Variants in P3H4 observed in about 807,000 individuals in gnomAD.
P3H4 encodes the protein endoplasmic reticulum protein SC65.
In P3H4, 47 loss-of-function variants were observed where a neutral mutation model predicts 52.9. The ratio of observed to expected loss-of-function variants is 0.89; its 90% CI spans 0.70 to 1.13. The LOEUF is 1.13. P3H4 is among the 50% of genes most tolerant of loss of function. The pLI is 0.00. For missense variants in P3H4, 585 were observed against 611.0 expected (o/e 0.96, Z 0.45); for synonymous variants, 256 against 267.9 (o/e 0.96, Z 0.44).
chr17:41,803,195 C>A (rs555197163), intron 7 of P3H4, 92 bp downstream of exon 7: 46 of 1,532,464 alleles, frequency 3.0e-5, no homozygotes, highest in Middle Eastern at 2.0e-4. Flanking sequence ...CCCACACACA[C>A]CCTGGGCTCC....
chr17:41,811,046 G>A lies in P3H4; in HGVS notation c.616-12C>T, dbSNP rs782702893. On this transcript the variant is annotated splice_polypyrimidine_tract_variant and intron_variant, in intron 2 of 7. Coordinates refer to ENST00000393928, the MANE Select transcript of P3H4 (RefSeq NM_006455.3). This position sits in a 1 kb window ranked among gnomAD's most constrained non-coding sequence, Gnocchi z 4.8. ...CGGAGGAACACGGCCTGGAAGGGGCGTGGCAGGGGGAGTCAGGGCGCCCCC... is the reference window on the plus strand; with the variant it reads ...CGGAGGAACACGGCCTGGAAGGGGCATGGCAGGGGGAGTCAGGGCGCCCCC... 2.5e-6 allele frequency: 4 copies of A among 1,609,250 alleles called. No individual in the cohort carries two copies. Among genetic ancestry groups the A allele is most frequent in the Non-Finnish European group, 3.4e-6 (4 of 1,176,322 alleles).
chr17:41,811,592 G>A lies in P3H4; in HGVS notation c.324C>T (p.Arg108=). ...GCAGGCAGGCGGCTCGCTCCAGGACGCGGCCGAAGAGCCGCAGCTCGCAGG... is the reference window on the plus strand; with the variant it reads ...GCAGGCAGGCGGCTCGCTCCAGGACACGGCCGAAGAGCCGCAGCTCGCAGG... The part of the protein sequence containing the change: ...EWACELRLFG[R]VLERAACLRR... Residue 108 remains arginine (R), a synonymous_variant, in exon 1 of 8, where the codon CGC becomes CGT. Coordinates refer to ENST00000393928, the MANE Select transcript of P3H4 (RefSeq NM_006455.3). This position sits in a 1 kb window ranked among gnomAD's most constrained non-coding sequence, Gnocchi z 4.8. The A allele has an allele frequency of 6.3e-7, 1 of 1,581,476 alleles. No individual in the cohort carries two copies. Among genetic ancestry groups the A allele is most frequent in the Non-Finnish European group, 8.6e-7 (1 of 1,167,364 alleles).
In P3H4 at chr17:41,811,391, C is replaced by A. The variant is rs2047734965; in HGVS notation, c.462+63G>T. 6.2e-7 allele frequency: 1 copy of A among 1,606,336 alleles called. No individual in the cohort carries two copies. The highest frequency in any genetic ancestry group is 2.2e-5 in the East Asian group (1 of 44,778). On this transcript the variant is annotated intron_variant, in intron 1 of 7. Coordinates refer to ENST00000393928, the MANE Select transcript of P3H4 (RefSeq NM_006455.3). The surrounding 1 kb of genome is among the most constrained non-coding windows in gnomAD (Gnocchi z 4.8). Reference sequence around the variant, plus strand: ...TGGGTGAAGATAACGCTCCTTCGACCGATCTGTGGGGAGCCACGACGCCCA... The same window carrying A: ...TGGGTGAAGATAACGCTCCTTCGACAGATCTGTGGGGAGCCACGACGCCCA...
At position 41,811,091 on chromosome 17, in the gene P3H4, TAGCCCTCCTCTACA is replaced by T. The variant is rs782745680; in HGVS notation, c.615+27_615+40del. The T allele has an allele frequency of 6.2e-7, 1 of 1,612,422 alleles. No individual in the cohort carries two copies. The highest frequency in any genetic ancestry group is 1.3e-5 in the African/African-American group (1 of 75,034). The stretch of plus-strand genomic sequence containing the variant: ...GCCCCCAACATCTCCCCTCCTCTAC[TAGCCCTCCTCTACA>T]AGCCTCCTCCTGACCCTCCACCCCA... On this transcript the variant is annotated intron_variant, in intron 2 of 7. Transcript: ENST00000393928. This position sits in a 1 kb window ranked among gnomAD's most constrained non-coding sequence, Gnocchi z 4.8.
At position 41,811,164 on chromosome 17, in the gene P3H4, A is replaced by T; in HGVS notation, c.583T>A (p.Ser195Thr). 6.2e-7 allele frequency: 1 copy of T among 1,613,910 alleles called. No homozygotes were observed. ...GGCTGGGCCTCTAGGTCCGTGAGGGACTCGTCGGCGACGTCCAGCATCCCC... is the reference window on the plus strand; with the variant it reads ...GGCTGGGCCTCTAGGTCCGTGAGGGTCTCGTCGGCGACGTCCAGCATCCCC... ...YQGMLDVADESLTDLEAQPYE... is the reference protein window; with the variant it reads ...YQGMLDVADETLTDLEAQPYE... Residue 195 changes from serine (S) to threonine (T), a missense_variant, in exon 2 of 8, where the codon TCC becomes ACC. By Grantham distance (58) the Ser-to-Thr change is moderately conservative. Coordinates refer to ENST00000393928, the MANE Select transcript of P3H4 (RefSeq NM_006455.3). This position sits in a 1 kb window ranked among gnomAD's most constrained non-coding sequence, Gnocchi z 4.8.
rs181233976 is a variant in P3H4 at position 41,809,891 on chromosome 17, C to G, written c.788-57G>C. 4.4e-6 allele frequency: 7 copies of G among 1,579,494 alleles called. 1 individual carries two copies. The highest frequency in any genetic ancestry group is 1.7e-4 in the Middle Eastern group (1 of 5,878). On this transcript the variant is annotated intron_variant, in intron 3 of 7. Transcript: ENST00000393928. ...CATTGCAATGAACATCTCCGTCCCC[C>G]CAGTGGAGAAGACTCTAAATCCAAT...
At chr17:41,803,069 G>T in intron 7 of P3H4, 90 bp from the exon 8 acceptor site, 1 of 1,501,394 alleles carries the variant, frequency 6.7e-7, no homozygotes, top group Non-Finnish European at 9.1e-7. Context: ...GTGGGGTGAG[G>T]CTCCCCCGGA....
intron 3 of P3H4, among the ~76,000 whole-genome samples, chr17:41,810,363 G>A (rs1406039996): frequency 1.3e-5 from 2 of 151,684 alleles, no homozygotes; most frequent in South Asian, 2.1e-4. Flanking sequence ...CAGTAGAGAC[G>A]GGGTTTCACC....
At position 41,806,815 on chromosome 17, in the gene P3H4, T is replaced by C. The variant is rs1555614256; in HGVS notation, c.1127A>G (p.Tyr376Cys). 2 of 1,613,556 alleles carry C rather than the reference T, an allele frequency of 1.2e-6. No homozygotes were observed. Among genetic ancestry groups the C allele is most frequent in the African/African-American group, 2.7e-5 (2 of 74,888 alleles). Residue 376 changes from tyrosine to cysteine, a missense_variant, in exon 6 of 8, where the codon TAC (tyrosine) becomes TGC (cysteine). By Grantham distance (194) the Tyr-to-Cys change is radical. Transcript: ENST00000393928. Reference protein sequence around the residue: ...LRELLEFTHMYLQSDDEMELE... With the variant: ...LRELLEFTHMCLQSDDEMELE... ...ACTCACCTCATCATCTGACTGCAGG[T>C]ACATGTGGGTGAACTCCAGCAGCTC...
intron 4 of P3H4, among the ~76,000 whole-genome samples, chr17:41,808,926 G>C (rs2047701416): frequency 6.6e-6 from 1 of 152,136 alleles, no homozygotes; most frequent in Non-Finnish European, 1.5e-5. Flanking sequence ...AGGAACACTG[G>C]AGGCTGTCCA....
In P3H4 at chr17:41,811,784, C is replaced by G; in HGVS notation, c.132G>C (p.Leu44=). 6.5e-7 allele frequency: 1 copy of G among 1,536,500 alleles called. No homozygotes were observed. Residue 44 remains leucine (L), a synonymous_variant, in exon 1 of 8, where the codon CTG becomes CTC. Transcript: ENST00000393928. This position sits in a 1 kb window ranked among gnomAD's most constrained non-coding sequence, Gnocchi z 4.8. Reference sequence around the variant, plus strand: ...GCCAGCTCTCTCCCTCGTACTGCTCCAGAGCGTGCCCGTACGCCGCGGCCA... The same window carrying G: ...GCCAGCTCTCTCCCTCGTACTGCTCGAGAGCGTGCCCGTACGCCGCGGCCA... ...MPLAAAYGHA[L]EQYEGESWRE...
rs201575663 is a variant in P3H4 at position 41,807,895 on chromosome 17, G to A, written c.1026C>T (p.Arg342=). ...NLVYYRFHRA[R]WGLEEEDFQP... ...GGAAGTCCTCCTCTTCCAGGCCCCA[G>A]CGAGCCCGGTGGAACCGGTAATACA... The change falls in exon 5 of 8, where the codon CGC becomes CGT. Residue 342 remains arginine (R), a synonymous_variant. Coordinates refer to ENST00000393928, the MANE Select transcript of P3H4 (RefSeq NM_006455.3). 1 of 1,614,096 alleles carries A rather than the reference G, an allele frequency of 6.2e-7. No individual in the cohort carries two copies. The highest frequency in any genetic ancestry group is 8.5e-7 in the Non-Finnish European group (1 of 1,179,960).
chr17:41,803,076 C>G, intron 7 of P3H4, 97 bp from the exon 8 acceptor site: 1 of 1,484,050 alleles, frequency 6.7e-7, no homozygotes, highest in Non-Finnish European at 9.2e-7. Flanking sequence ...GAGGCTCCCC[C>G]GGACAGGTCT....
At chr17:41,807,066 T>C (rs782642476) in intron 5 of P3H4, 187 bp from the exon 6 acceptor site, 17 of 580,232 alleles carry the variant, frequency 2.9e-5, no homozygotes, top group Non-Finnish European at 4.9e-5. Flanking sequence ...ATTCTGAGAG[T>C]TTGGTGACAA....
chr17:41,806,244 A>T (rs1313828332), intron 6 of P3H4, among the ~76,000 whole-genome samples: 1 of 152,056 alleles, frequency 6.6e-6, no homozygotes, highest in East Asian at 1.9e-4. Context: ...ATAAATAAAT[A>T]AAATAAATCA....
At chr17:41,805,606 TG>T (rs554357650) in intron 6 of P3H4, among the ~76,000 whole-genome samples, 95 of 152,194 alleles carry the variant, frequency 6.2e-4, no homozygotes, top group African/African-American at 2.2e-3. Flanking sequence ...ATTACAGGCA[TG>T]AGCTACCATA....
chr17:41,803,952 CTTT>C (rs58414096), intron 6 of P3H4, among the ~76,000 whole-genome samples: 3 of 138,240 alleles, frequency 2.2e-5, no homozygotes. Flanking sequence ...CCATGACTTC[CTTT>C]TTTTTTTTTT....
chr17:41,807,689 G>A (rs566670274), intron 5 of P3H4, among the ~76,000 whole-genome samples, 170 bp downstream of exon 5: 13 of 152,070 alleles, frequency 8.5e-5, no homozygotes, highest in Admixed American at 2.6e-4. Context: ...CAGTAGAGAC[G>A]GGGTTTCACC....
intron 6 of P3H4, among the ~76,000 whole-genome samples, chr17:41,803,982 TG>T (rs1435043680): frequency 6.7e-6 from 1 of 150,030 alleles, no homozygotes; most frequent in Non-Finnish European, 1.5e-5. Flanking sequence ...AGACGGAGTC[TG>T]CTCTGTTGCC....
Sources: allele counts gnomAD v4.1 joint callset (sites outside exome capture counted in the v4.1 genomes callset), GRCh38; gene constraint gnomAD v4.1.1; non-coding constraint Gnocchi (gnomAD v3.1); transcripts MANE v1.5; gene names NCBI Gene and HGNC (gene_info 2026-07-23, HGNC 2026-07-21).